CELF4: variants seen among roughly 807,000 people sequenced by gnomAD.
CELF4 encodes the protein CUGBP Elav-like family member 4.
Under a neutral mutation model 59.9 loss-of-function variants are expected in CELF4, and 18 were observed. That is an observed-to-expected ratio of 0.30 (90% confidence interval 0.21 to 0.45). The LOEUF (loss-of-function observed/expected upper bound fraction) is 0.45, where lower values mean the gene tolerates loss of function less well. Ranked by LOEUF, CELF4 falls within the 20% of genes least tolerant of loss-of-function variation. The pLI, the probability that CELF4 is intolerant of heterozygous loss-of-function variation, is 1.00. For missense variants in CELF4, 456 were observed against 689.0 expected (o/e 0.66, Z 3.79); for synonymous variants, 261 against 267.1 (o/e 0.98, Z 0.22).
At chr18:37,553,670 T>C (rs923531469) in intron 1 of CELF4, among the ~76,000 whole-genome samples, 6 of 152,202 alleles carry the variant, frequency 3.9e-5, no homozygotes, top group African/African-American at 1.4e-4. Context: ...GGTCCCTGTT[T>C]TGCTGGTGTC....
At chr18:37,299,513 C>T (rs941318258) in intron 3 of CELF4, among the ~76,000 whole-genome samples, 2 of 152,052 alleles carry the variant, frequency 1.3e-5, no homozygotes, top group African/African-American at 4.8e-5. Flanking sequence ...GAATGTCGGG[C>T]TCACAGGGAC....
intron 2 of CELF4, among the ~76,000 whole-genome samples, chr18:37,460,401 A>G (rs2099790279): frequency 6.6e-6 from 1 of 152,212 alleles, no homozygotes; most frequent in Non-Finnish European, 1.5e-5. Context: ...AGCTGAGGAC[A>G]TCGTGCAGCC....
chr18:37,511,403 C>T (rs531269803), intron 1 of CELF4, among the ~76,000 whole-genome samples: 4 of 152,196 alleles, frequency 2.6e-5, no homozygotes, highest in Admixed American at 6.5e-5. Context: ...CAAGGTCAGC[C>T]CCAAAGTCCT....
intron 1 of CELF4, among the ~76,000 whole-genome samples, chr18:37,490,729 C>G (rs1042407110): frequency 4.6e-5 from 7 of 152,120 alleles, no homozygotes; most frequent in African/African-American, 1.7e-4. Flanking sequence ...AACACCTCCC[C>G]GTCTTTGCCC....
chr18:37,560,677 A>G (rs1478774237), intron 1 of CELF4, among the ~76,000 whole-genome samples: 1 of 152,248 alleles, frequency 6.6e-6, no homozygotes, highest in East Asian at 1.9e-4. Context: ...TAATTAAAAA[A>G]AAGTTCATCT....
intron 1 of CELF4, among the ~76,000 whole-genome samples, chr18:37,556,167 C>A (rs2154606083): frequency 6.6e-6 from 1 of 152,256 alleles, no homozygotes; most frequent in South Asian, 2.1e-4. Context: ...TAGGTTGATG[C>A]CTCATTCTCT....
chr18:37,484,257 T>C (rs1480970565), intron 2 of CELF4, among the ~76,000 whole-genome samples: 2 of 152,214 alleles, frequency 1.3e-5, no homozygotes, highest in Non-Finnish European at 2.9e-5. Flanking sequence ...TTGATTATCC[T>C]ACAATATGGC....
intron 2 of CELF4, among the ~76,000 whole-genome samples, chr18:37,423,089 G>C (rs561932208): frequency 1.7e-5 from 2 of 120,218 alleles, no homozygotes; most frequent in Admixed American, 8.7e-5. Flanking sequence ...CACAGAGACA[G>C]AGAGAGAGAG....
intron 3 of CELF4, among the ~76,000 whole-genome samples, chr18:37,279,469 C>T (rs56323844): frequency 1.3e-5 from 2 of 152,058 alleles, no homozygotes; most frequent in African/African-American, 4.8e-5. Context: ...ACCTGAGCTG[C>T]GGGGACTGAG....
chr18:37,498,094 C>T (rs2099927255), intron 1 of CELF4, among the ~76,000 whole-genome samples: 1 of 152,148 alleles, frequency 6.6e-6, no homozygotes, highest in Non-Finnish European at 1.5e-5. Flanking sequence ...GAATCACCAA[C>T]CCAGAGTGGC....
At chr18:37,334,333 A>G (rs547714995) in intron 2 of CELF4, among the ~76,000 whole-genome samples, 41 of 151,450 alleles carry the variant, frequency 2.7e-4, no homozygotes, top group African/African-American at 9.9e-4. Flanking sequence ...TTTCTTCTAA[A>G]CTCCCAGGCC....
chr18:37,448,666 G>C (rs912493070), intron 2 of CELF4, among the ~76,000 whole-genome samples: 1 of 152,224 alleles, frequency 6.6e-6, no homozygotes, highest in African/African-American at 2.4e-5. Flanking sequence ...CGCCTTCAAG[G>C]GCACTGCCAG....
chr18:37,280,416 A>G (rs1055047689), intron 3 of CELF4, among the ~76,000 whole-genome samples: 2 of 152,130 alleles, frequency 1.3e-5, no homozygotes, highest in African/African-American at 2.4e-5. Flanking sequence ...TTGGGAAGAA[A>G]GAGTTGTGCA....
At chr18:37,269,743 TCATTGGGATCTTTAG>T (rs2154343961) in intron 8 of CELF4, among the ~76,000 whole-genome samples, 1 of 152,344 alleles carries the variant, frequency 6.6e-6, no homozygotes, top group African/African-American at 2.4e-5. Flanking sequence ...AACTGTCCAT[TCATTGGGATCTTTAG>T]CATTTCAAGT....
chr18:37,262,122 C>A (rs1468460427), intron 10 of CELF4, among the ~76,000 whole-genome samples: 1 of 152,218 alleles, frequency 6.6e-6, no homozygotes, highest in Non-Finnish European at 1.5e-5. Context: ...CTCCCCAGCT[C>A]TATGTGCTGC....
At chr18:37,450,991 G>A (rs368369293) in intron 2 of CELF4, among the ~76,000 whole-genome samples, 259 of 152,254 alleles carry the variant, frequency 1.7e-3, no homozygotes, top group African/African-American at 5.8e-3. Flanking sequence ...GGCTGTGGGC[G>A]CCTTTGTCAA....
chr18:37,355,565 C>T (rs1223184869), intron 2 of CELF4, among the ~76,000 whole-genome samples: 3 of 151,984 alleles, frequency 2.0e-5, no homozygotes, highest in South Asian at 2.1e-4. Context: ...CCCAGCTACA[C>T]GGGAGGCTGA....
At chr18:37,426,909 A>G (rs1204819087) in intron 2 of CELF4, among the ~76,000 whole-genome samples, 2 of 151,542 alleles carry the variant, frequency 1.3e-5, no homozygotes, top group African/African-American at 4.9e-5. Context: ...GAAAAGCGAT[A>G]CCAATGACTT....
intron 2 of CELF4, among the ~76,000 whole-genome samples, chr18:37,342,944 A>C (rs749503792): frequency 3.3e-5 from 5 of 152,064 alleles, no homozygotes; most frequent in African/African-American, 4.8e-5. Flanking sequence ...TGTCTGTGGG[A>C]ACATGACCCC....
Sources: gnomAD v4.1 joint callset for allele counts (sites outside exome capture counted in the v4.1 genomes callset) on GRCh38, gnomAD v4.1.1 for gene constraint, MANE v1.5 for transcripts, NCBI Gene and HGNC (gene_info 2026-07-23, HGNC 2026-07-21) for gene names.